The following COL5A2 variants were observed in gnomAD, a reference collection of about 807,000 sequenced individuals.
The protein encoded by COL5A2 is collagen alpha-2(V) chain.
In COL5A2, 23 loss-of-function variants were observed where a neutral mutation model predicts 208.2. That is an observed-to-expected ratio of 0.11 (90% CI 0.08 to 0.16). COL5A2 has a LOEUF of 0.16. Among genes scored for constraint, COL5A2 ranks in the 10% least tolerant of loss-of-function variants. The probability of loss-of-function intolerance (pLI) is 1.00; values close to 1 mark genes in which losing one functional copy is unlikely to be tolerated. For synonymous variants in COL5A2, 625 were observed against 628.5 expected, an observed-to-expected ratio of 0.99 and a Z score of 0.08; for missense variants, 1,590 against 1,956.4, an observed-to-expected ratio of 0.81 and a Z score of 3.53.
At chr2:189,056,616 C>G (rs1576497767) in intron 35 of COL5A2, 1 of 313,658 alleles carries the variant, frequency 3.2e-6, no homozygotes, top group Non-Finnish European at 6.0e-6. Flanking sequence ...CCACAAAGCT[C>G]TACTTGTCTA....
At chr2:189,419,080 C>T in the COL5A2 span, among the ~76,000 whole-genome samples, 1 of 152,194 alleles carries the variant, frequency 6.6e-6, no homozygotes, top group East Asian at 1.9e-4. Flanking sequence ...TGTTGATCCT[C>T]AGGAAGATGA....
At chr2:189,054,324 C>A in intron 35 of COL5A2, 112 bp from the exon 36 acceptor site, 1 of 769,302 alleles carries the variant, frequency 1.3e-6, no homozygotes, top group South Asian at 1.5e-5. Flanking sequence ...ATTTGGCTGC[C>A]TTTGCAAATC....
At chr2:189,373,594 CT>C in the COL5A2 span, among the ~76,000 whole-genome samples, 1 of 152,060 alleles carries the variant, frequency 6.6e-6, no homozygotes, top group African/African-American at 2.4e-5. Context: ...CACTTTGTAC[CT>C]TTTTTGTACC....
the COL5A2 span, among the ~76,000 whole-genome samples, chr2:189,252,130 G>A: frequency 9.2e-5 from 14 of 152,182 alleles, no homozygotes; most frequent in Admixed American, 2.6e-4. Flanking sequence ...TGGAGAGGAT[G>A]TGGAGAAATA....
the COL5A2 span, among the ~76,000 whole-genome samples, chr2:189,260,412 TAGTA>T: frequency 4.6e-5 from 7 of 152,122 alleles, no homozygotes; most frequent in African/African-American, 1.4e-4. Flanking sequence ...GGAGGATAAT[TAGTA>T]AAGTCAGTCT....
chr2:189,155,595 A>G (rs1688230206), intron 1 of COL5A2, among the ~76,000 whole-genome samples: 1 of 152,184 alleles, frequency 6.6e-6, no homozygotes, highest in Non-Finnish European at 1.5e-5. Context: ...AGTGTATATT[A>G]TATTGGACAG....
At chr2:189,360,063 T>A in the COL5A2 span, among the ~76,000 whole-genome samples, 1 of 152,170 alleles carries the variant, frequency 6.6e-6, no homozygotes, top group Non-Finnish European at 1.5e-5. Context: ...TTTGCTCTAA[T>A]CTTTATTATT....
intron 24 of COL5A2, 54 bp from the exon 25 acceptor site, chr2:189,064,709 C>T: frequency 8.2e-7 from 1 of 1,223,860 alleles, no homozygotes; most frequent in Admixed American, 1.7e-5. Context: ...AAAACAAAAG[C>T]AAGCAGAAGT....
At chr2:189,097,191 G>A in intron 6 of COL5A2, 86 bp downstream of exon 6, 1 of 1,263,192 alleles carries the variant, frequency 7.9e-7, no homozygotes, top group Non-Finnish European at 1.2e-6. Flanking sequence ...GAGGAATAGT[G>A]CTCCCAGCTT....
chr2:189,376,036 A>C, the COL5A2 span, among the ~76,000 whole-genome samples: 1 of 152,198 alleles, frequency 6.6e-6, no homozygotes, highest in Non-Finnish European at 1.5e-5. Context: ...GCTTTTCCAC[A>C]ATGTGTGTAA....
At chr2:189,054,690 C>CT (rs58380313) in intron 35 of COL5A2, among the ~76,000 whole-genome samples, 3,837 of 113,486 alleles carry the variant, frequency 0.034, 49 homozygotes, top group Non-Finnish European at 0.041. Context: ...GTGTTTTTTC[C>CT]TTTTTTTTTT....
chr2:189,236,614 T>C, the COL5A2 span, among the ~76,000 whole-genome samples: 1 of 151,776 alleles, frequency 6.6e-6, no homozygotes, highest in East Asian at 1.9e-4. Context: ...GATGACCAAA[T>C]AAAGTTGAGA....
At chr2:189,239,713 T>C in the COL5A2 span, among the ~76,000 whole-genome samples, 1 of 151,718 alleles carries the variant, frequency 6.6e-6, no homozygotes, top group African/African-American at 2.4e-5. Context: ...GGCACATGTA[T>C]ACATATGTAA....
chr2:189,160,289 T>C (rs958505025), intron 1 of COL5A2, among the ~76,000 whole-genome samples: 1 of 152,214 alleles, frequency 6.6e-6, no homozygotes, highest in Non-Finnish European at 1.5e-5. Flanking sequence ...TAGTGTGATA[T>C]TATTATTTGT....
chr2:189,441,045 C>T, the COL5A2 span, among the ~76,000 whole-genome samples: 55 of 152,292 alleles, frequency 3.6e-4, no homozygotes, highest in Admixed American at 5.9e-4. Context: ...TAACTCAACG[C>T]TGCGACCGAG....
upstream of COL5A2, among the ~76,000 whole-genome samples, chr2:189,227,860 C>T (rs1464335074): frequency 3.9e-5 from 6 of 151,960 alleles, no homozygotes; most frequent in East Asian, 1.9e-4. Flanking sequence ...ACCTAAGAGA[C>T]GTATACAGGA....
chr2:189,186,096 G>A (rs1347490957), intron 1 of COL5A2, among the ~76,000 whole-genome samples: 7 of 151,096 alleles, frequency 4.6e-5, no homozygotes, highest in Admixed American at 4.0e-4. Context: ...CTGCATCCTC[G>A]AACTCCTGAG....
At chr2:189,160,852 C>T (rs1303114885) in intron 1 of COL5A2, among the ~76,000 whole-genome samples, 4 of 115,112 alleles carry the variant, frequency 3.5e-5, no homozygotes, top group South Asian at 2.9e-4. Flanking sequence ...TTTTTTGAGA[C>T]GGAGTTTCAC....
At chr2:189,300,478 G>T in the COL5A2 span, among the ~76,000 whole-genome samples, 1 of 152,202 alleles carries the variant, frequency 6.6e-6, no homozygotes, top group Non-Finnish European at 1.5e-5. Context: ...AAACAAAGAA[G>T]CTTTGTGTTT....
Sources: gnomAD v4.1 joint callset for allele counts (sites outside exome capture counted in the v4.1 genomes callset) on GRCh38, gnomAD v4.1.1 for gene constraint, MANE v1.5 for transcripts, NCBI Gene and HGNC (gene_info 2026-07-23, HGNC 2026-07-21) for gene names.